Variants in SVIL observed in about 807,000 individuals in gnomAD.
The protein encoded by SVIL is archvillin.
Under a neutral mutation model 240.4 loss-of-function variants are expected in SVIL, and 101 were observed. The ratio of observed to expected loss-of-function variants is 0.42; its 90% CI spans 0.36 to 0.50. The LOEUF is 0.50. Among genes scored for constraint, SVIL ranks in the 20% least tolerant of loss-of-function variants. The pLI is 0.01. For synonymous variants in SVIL, 999 were observed against 1,100.0 expected, an observed-to-expected ratio of 0.91 and a Z score of 1.82; for missense variants, 2,512 against 2,818.7, an observed-to-expected ratio of 0.89 and a Z score of 2.46.
At position 29,539,073 on chromosome 10, in the gene SVIL, T is replaced by G. The variant is rs151073154; in HGVS notation, c.828-3004A>C. Reference sequence around the variant, plus strand: ...CTAGCTACTCAGGAGGCTGAGGCAGTAGGATCCTTTGAGCCCAGGAGTTTG... The same window carrying G: ...CTAGCTACTCAGGAGGCTGAGGCAGGAGGATCCTTTGAGCCCAGGAGTTTG... On this transcript the variant is annotated intron_variant, in intron 6 of 37. Coordinates refer to ENST00000355867, the MANE Select transcript of SVIL (RefSeq NM_021738.3). 5.6e-3 allele frequency among the ~76,000 whole-genome samples: 849 copies of G among 152,088 alleles called. 11 individuals carry two copies. The highest frequency in any genetic ancestry group is 0.02 in the African/African-American group (815 of 41,466).
Position 29,551,245 on chromosome 10 carries a change from T to C in SVIL, c.179A>G (p.Glu60Gly), listed in dbSNP as rs1264460772. The C allele has an allele frequency of 1.0e-5, 16 of 1,598,576 alleles. No homozygotes were observed. Among genetic ancestry groups the C allele is most frequent in the African/African-American group, 1.3e-5 (1 of 74,170 alleles). The change falls in exon 6 of 38, where the codon GAG (glutamate) becomes GGG (glycine). Residue 60 changes from glutamate (E) to glycine (G), a missense_variant. Physicochemically the swap from Glu to Gly is moderately conservative, Grantham distance 98. Transcript: ENST00000355867. ...SPHIGRSNEE[E>G]ETSDSSLEKQ... is the part of the protein sequence containing the mutation. Reference sequence around the variant, plus strand: ...TTCTAGAGAAGAATCAGAAGTTTCCTCCTCTTCATTTGATCGGCCTACAAG... The same window carrying C: ...TTCTAGAGAAGAATCAGAAGTTTCCCCCTCTTCATTTGATCGGCCTACAAG...
chr10:29,523,636 T>C lies in SVIL; in HGVS notation c.2978A>G (p.Tyr993Cys). Residue 993 changes from tyrosine to cysteine, a missense_variant, in exon 15 of 38, where the codon TAT becomes TGT. Transcript: ENST00000355867. The stretch of plus-strand genomic sequence containing the variant: ...CAGGCTTCCTCTTCTGGGAACAGCA[T>C]ATTTAGATTCCTTATGGCTGTCTCC... ...REGDSHKESKYAVPRRGSLER... is the reference protein window; with the variant it reads ...REGDSHKESKCAVPRRGSLER... 1.9e-6 allele frequency: 3 copies of C among 1,614,178 alleles called. No individual in the cohort carries two copies. The highest frequency in any genetic ancestry group is 1.1e-5 in the South Asian group (1 of 91,076).
intron 32 of SVIL, 85 bp downstream of exon 32, chr10:29,470,191 C>G (rs547876127): frequency 2.7e-6 from 4 of 1,493,058 alleles, no homozygotes; most frequent in African/African-American, 1.4e-5. Flanking sequence ...CTGGGATCTG[C>G]TGGGAGTCTT....
chr10:29,601,667 A>T (rs1047730619), intron 1 of SVIL, among the ~76,000 whole-genome samples: 1 of 152,230 alleles, frequency 6.6e-6, no homozygotes, highest in Non-Finnish European at 1.5e-5. Flanking sequence ...CTCATCAGAC[A>T]TGAGTTCAAA....
chr10:29,574,423 C>T (rs111550294), intron 1 of SVIL, among the ~76,000 whole-genome samples: 53 of 152,170 alleles, frequency 3.5e-4, no homozygotes, highest in African/African-American at 1.2e-3. Context: ...GGTACACGGG[C>T]GGTGGCTGGA....
At chr10:29,469,772 G>A (rs539602502) in intron 32 of SVIL, among the ~76,000 whole-genome samples, 71 of 152,326 alleles carry the variant, frequency 4.7e-4, no homozygotes, top group African/African-American at 1.6e-3. Flanking sequence ...TGCTGTACCC[G>A]GGAAGTGCCC....
chr10:29,470,324 G>A lies in SVIL; in HGVS notation c.5795C>T (p.Ala1932Val), dbSNP rs780995405. The change falls in exon 32 of 38, where the codon GCC (alanine) becomes GTC (valine). Residue 1932 changes from alanine (A) to valine (V), a missense_variant. Physicochemically the swap from Ala to Val is moderately conservative, Grantham distance 64 (BLOSUM62 0). Transcript: ENST00000355867. ...GGTCCTTCCGACCTCCTTCGTGTGG[G>A]CCTGGGCTTTGCATCCGTGCCACAG... The part of the protein sequence containing the change: ...IYLWHGCKAQ[A>V]HTKEVGRTAA... 2 of 1,614,178 alleles carry A rather than the reference G, an allele frequency of 1.2e-6. No homozygotes were observed. The highest frequency in any genetic ancestry group is 2.2e-5 in the South Asian group (2 of 91,084).
chr10:29,523,894 G>A lies in SVIL; in HGVS notation c.2720C>T (p.Thr907Ile), dbSNP rs2132534116. 1 of 1,614,204 alleles carries A rather than the reference G, an allele frequency of 6.2e-7. No homozygotes were observed. Among genetic ancestry groups the A allele is most frequent in the Non-Finnish European group, 8.5e-7 (1 of 1,180,048 alleles). Residue 907 changes from threonine (T) to isoleucine (I), a missense_variant, in exon 15 of 38, where the codon ACT (threonine) becomes ATT (isoleucine). Thr to Ile is a moderately conservative substitution (Grantham distance 89, BLOSUM62 -1). Transcript: ENST00000355867. ...TATTGAAGAAGAAAACTTATAGTCA[G>A]TGGCACTTGCATTGTGGTCAAGAGG... is the stretch of plus-strand genomic sequence containing the variant. ...KPPLDHNASA[T>I]DYKFSSSIEN...
intron 35 of SVIL, among the ~76,000 whole-genome samples, chr10:29,462,725 A>T (rs1301650508): frequency 6.6e-6 from 1 of 152,196 alleles, no homozygotes; most frequent in Non-Finnish European, 1.5e-5. Context: ...TCACCTGTAG[A>T]GTCATCCGTC....
intron 1 of SVIL, among the ~76,000 whole-genome samples, chr10:29,622,178 A>G (rs1355582462): frequency 1.5e-5 from 2 of 129,804 alleles, no homozygotes; most frequent in Admixed American, 9.2e-5. Context: ...TGAACCCGGG[A>G]GGCGGAGCTT....
intron 34 of SVIL, among the ~76,000 whole-genome samples, chr10:29,464,044 C>T (rs1321106058): frequency 6.6e-6 from 1 of 152,226 alleles, no homozygotes; most frequent in Non-Finnish European, 1.5e-5. Context: ...CTGGAGCGCA[C>T]ATCTCACTGC....
chr10:29,506,652 G>T (rs1267610812), intron 17 of SVIL, among the ~76,000 whole-genome samples: 5 of 149,220 alleles, frequency 3.4e-5, no homozygotes, highest in African/African-American at 1.0e-4. Context: ...GGGGACAGAG[G>T]CCCTGGAGGG....
At chr10:29,659,424 GCA>G (rs1024755647) in intron 2 of SVIL, among the ~76,000 whole-genome samples, 55 of 152,174 alleles carry the variant, frequency 3.6e-4, no homozygotes, top group African/African-American at 1.3e-3. Context: ...ATTCACTCAA[GCA>G]CAGAGGGCTC....
chr10:29,498,253 T>C (rs115603280), intron 18 of SVIL, among the ~76,000 whole-genome samples: 6,386 of 151,428 alleles, frequency 0.042, 441 homozygotes, highest in African/African-American at 0.15. Context: ...TCCGTCTGTA[T>C]TAAAAAGATG....
At chr10:29,587,645 G>A (rs1301551858) in intron 1 of SVIL, among the ~76,000 whole-genome samples, 7 of 152,172 alleles carry the variant, frequency 4.6e-5, no homozygotes. Context: ...GCCTTTACAT[G>A]GAAACGTCTC....
intron 2 of SVIL, among the ~76,000 whole-genome samples, chr10:29,564,661 T>G (rs2132702197): frequency 6.6e-6 from 1 of 152,116 alleles, no homozygotes; most frequent in Non-Finnish European, 1.5e-5. Flanking sequence ...TTCCACACAG[T>G]CCAAAGCACA....
In SVIL at chr10:29,499,248, G is replaced by A; in HGVS notation, c.3532C>T (p.Arg1178Ter). The A allele has an allele frequency of 1.9e-6, 3 of 1,614,144 alleles. No individual in the cohort carries two copies. The highest frequency in any genetic ancestry group is 2.5e-6 in the Non-Finnish European group (3 of 1,180,028). ...SLIKKRVTES[R>*]ESQMTIEERK... ...TCCTCAATCGTCATTTGGCTCTCTC[G>A]ACTTTCTGTGACCCGCTGTTCATAA... The change falls in exon 18 of 38, where the codon CGA becomes TGA. Residue 1178 changes from arginine (R) to a stop codon, truncating the protein, a stop_gained. Transcript: ENST00000355867. LOFTEE classifies it high-confidence loss of function.
chr10:29,509,781 C>T (rs1341887008), intron 17 of SVIL, among the ~76,000 whole-genome samples: 4 of 152,026 alleles, frequency 2.6e-5, no homozygotes, highest in African/African-American at 9.7e-5. Flanking sequence ...ACCCAGGAGG[C>T]GGAGGTTGCG....
At chr10:29,655,370 C>G (rs924543375) in intron 3 of SVIL, among the ~76,000 whole-genome samples, 1 of 152,060 alleles carries the variant, frequency 6.6e-6, no homozygotes, top group Admixed American at 6.5e-5. Context: ...GCCGAAGAAC[C>G]TGGAATTTGA....
Sources: allele counts gnomAD v4.1 joint callset (sites outside exome capture counted in the v4.1 genomes callset), GRCh38; gene constraint gnomAD v4.1.1; transcripts MANE v1.5; gene names NCBI Gene and HGNC (gene_info 2026-07-23, HGNC 2026-07-21).